CPSF6: variants seen among roughly 807,000 people sequenced by gnomAD.
CPSF6 encodes the protein cleavage and polyadenylation specific factor 6, also known as cleavage and polyadenylation specificity factor subunit 6.
A neutral mutation model predicts 56.7 loss-of-function variants in CPSF6; 10 were observed. The ratio of observed to expected loss-of-function variants is 0.18; its 90% CI spans 0.11 to 0.30. CPSF6 has a LOEUF of 0.30. Among genes scored for constraint, CPSF6 ranks in the 10% least tolerant of loss-of-function variants. CPSF6 has a pLI of 1.00. For synonymous variants in CPSF6, 248 were observed against 244.8 expected (o/e 1.01, Z -0.12); for missense variants, 419 against 722.9 (o/e 0.58, Z 4.82).
At chr12:69,256,412 G>T (rs1353855737) in intron 3 of CPSF6, among the ~76,000 whole-genome samples, 1 of 152,182 alleles carries the variant, frequency 6.6e-6, no homozygotes, top group East Asian at 1.9e-4. Flanking sequence ...GTATAGTTAA[G>T]AAATATTTTT....
chr12:69,243,224 CA>C (rs1256590983), intron 1 of CPSF6, among the ~76,000 whole-genome samples: 1 of 152,174 alleles, frequency 6.6e-6, no homozygotes, highest in Non-Finnish European at 1.5e-5. Flanking sequence ...TACCTACATA[CA>C]GTAGTGCACA....
chr12:69,249,830 C>G (rs536121112), intron 1 of CPSF6, among the ~76,000 whole-genome samples: 1 of 152,176 alleles, frequency 6.6e-6, no homozygotes, highest in South Asian at 2.1e-4. Context: ...GCTCCTGTTT[C>G]TGTTTCATTT....
intron 1 of CPSF6, among the ~76,000 whole-genome samples, chr12:69,240,994 T>A (rs1871589446): frequency 6.6e-6 from 1 of 152,256 alleles, no homozygotes; most frequent in Non-Finnish European, 1.5e-5. Flanking sequence ...TATTACTGGC[T>A]AATGTGGTTT....
At chr12:69,263,054 TG>T (rs1872815602) in intron 9 of CPSF6, among the ~76,000 whole-genome samples, 2 of 150,752 alleles carry the variant, frequency 1.3e-5, no homozygotes, top group Non-Finnish European at 3.0e-5. Context: ...TACAGGAGGG[TG>T]TTTTCTCAAC....
Position 69,258,827 on chromosome 12 carries a change from C to T in CPSF6, c.932C>T (p.Pro311Leu). ...PGYGPPPGPP[P>L]PQQGPPPPPG... ...TACGGCCCCCCTCCTGGCCCACCAC[C>T]TCCACAACAGGGACCACCTCCACCT... Residue 311 changes from proline to leucine, a missense_variant, in exon 6 of 10, where the codon CCT (proline) becomes CTT (leucine). Pro to Leu is a moderately conservative substitution (Grantham distance 98). This residue lies in a region of CPSF6 where 211 missense variants were observed against 296.0 expected (regional missense o/e 0.71). Transcript: ENST00000435070. This position sits in a 1 kb window ranked among gnomAD's most constrained non-coding sequence, Gnocchi z 4.2. The T allele has an allele frequency of 1.2e-6, 2 of 1,614,074 alleles. No individual in the cohort carries two copies. The highest frequency in any genetic ancestry group is 2.2e-5 in the East Asian group (1 of 44,868).
In CPSF6 at chr12:69,273,558, C is replaced by T. The variant is rs1873353921; in HGVS notation, c.*4050C>T. 1 of 152,406 alleles carries T rather than the reference C, an allele frequency of 6.6e-6. No individual in the cohort carries two copies. The highest frequency in any genetic ancestry group is 2.4e-5 in the African/African-American group (1 of 41,416). 9.4% of individuals were successfully genotyped at this position (152,406 alleles called of 1,614,324 possible). On this transcript the variant is annotated 3_prime_UTR_variant, in exon 10 of 10. Coordinates refer to ENST00000435070, the MANE Select transcript of CPSF6 (RefSeq NM_007007.3). ...GGGTGTAAATGTTTTACATTAATTT[C>T]ATAATTGGACAGACCCTGCATTTAG...
At chr12:69,259,575 T>C (rs765413240) in intron 7 of CPSF6, 32 bp downstream of exon 7, 5 of 1,567,550 alleles carry the variant, frequency 3.2e-6, no homozygotes, top group South Asian at 1.2e-5. Flanking sequence ...ATATTTCTTA[T>C]TTATGTTATT....
At chr12:69,256,293 A>G (rs1872505291) in intron 3 of CPSF6, among the ~76,000 whole-genome samples, 1 of 152,184 alleles carries the variant, frequency 6.6e-6, no homozygotes, top group Non-Finnish European at 1.5e-5. Context: ...TTTAAAATTG[A>G]TTATGGTGGT....
intron 1 of CPSF6, among the ~76,000 whole-genome samples, chr12:69,249,997 C>T (rs576511047): frequency 6.6e-6 from 1 of 152,290 alleles, no homozygotes; most frequent in East Asian, 1.9e-4. Context: ...ACTAAGAATT[C>T]AGGTAAGCAT....
rs1872593921 is a variant in CPSF6, at chr12:69,258,308, G to C, written c.695-282G>C. ...AAGGTGGGTGATTTCACTGTAAGAA[G>C]TGTGTGTACACGGAAAGATGGAAAA... On this transcript the variant is annotated intron_variant, in intron 5 of 9. Coordinates refer to ENST00000435070, the MANE Select transcript of CPSF6 (RefSeq NM_007007.3). The surrounding 1 kb of genome is among the most constrained non-coding windows in gnomAD (Gnocchi z 4.2). 5.0e-6 allele frequency: 3 copies of C among 599,742 alleles called. No individual in the cohort carries two copies. The highest frequency in any genetic ancestry group is 3.2e-5 in the Admixed American group (1 of 31,736). 37.2% of individuals were successfully genotyped at this position (599,742 alleles called of 1,614,324 possible).
intron 3 of CPSF6, among the ~76,000 whole-genome samples, chr12:69,255,457 A>G (rs1187352186): frequency 1.3e-5 from 2 of 152,232 alleles, no homozygotes; most frequent in Admixed American, 6.5e-5. Context: ...AGGAATTACC[A>G]GATTATTTGC....
chr12:69,257,020 C>G (rs1486159984), intron 4 of CPSF6, among the ~76,000 whole-genome samples, 178 bp downstream of exon 4: 1 of 152,204 alleles, frequency 6.6e-6, no homozygotes, highest in Non-Finnish European at 1.5e-5. Context: ...TACGAGAAAC[C>G]TACTCCTGTT....
At chr12:69,241,335 T>C (rs1871606258) in intron 1 of CPSF6, among the ~76,000 whole-genome samples, 1 of 152,318 alleles carries the variant, frequency 6.6e-6, no homozygotes, top group South Asian at 2.1e-4. Flanking sequence ...TTCTAACGCT[T>C]ATAAGACCTC....
chr12:69,273,886 C>G lies in CPSF6; in HGVS notation c.*4378C>G, dbSNP rs1024290824. The G allele has an allele frequency of 1.3e-5, 2 of 151,822 alleles. No individual in the cohort carries two copies. The highest frequency in any genetic ancestry group is 4.8e-5 in the African/African-American group (2 of 41,388). The allele number at this position is 151,822 out of a possible 1,614,324, so 9.4% of individuals were successfully genotyped here. On this transcript the variant is annotated 3_prime_UTR_variant, in exon 10 of 10. Coordinates refer to ENST00000435070, the MANE Select transcript of CPSF6 (RefSeq NM_007007.3). Reference sequence around the variant, plus strand: ...CAAAGTAGTTTACAGCCCTGTACAGCCTTACAAAGTTGTTTTACAATTTTT... The same window carrying G: ...CAAAGTAGTTTACAGCCCTGTACAGGCTTACAAAGTTGTTTTACAATTTTT...
At chr12:69,260,253 A>G in intron 8 of CPSF6, 56 bp downstream of exon 8, 1 of 1,330,450 alleles carries the variant, frequency 7.5e-7, no homozygotes, top group Non-Finnish European at 1.0e-6. Flanking sequence ...ACAAATGGAA[A>G]AAATACTGTG....
rs772296444 is a variant in CPSF6 at position 69,262,581 on chromosome 12, C to T, written c.*3+19C>T. The stretch of plus-strand genomic sequence containing the variant: ...TTAGAAGGTGGGTATTCCTTGTTCC[C>T]TGTTAAATGTGTGTGTATTCTTAAC... On this transcript the variant is annotated intron_variant, in intron 9 of 9. Transcript: ENST00000435070. 6 of 1,592,792 alleles carry T rather than the reference C, an allele frequency of 3.8e-6. No homozygotes were observed. The highest frequency in any genetic ancestry group is 2.7e-5 in the African/African-American group (2 of 74,176).
rs748698893 is a variant in CPSF6 at position 69,273,206 on chromosome 12, T to C, written c.*3698T>C. 1 of 516,768 alleles carries C rather than the reference T, an allele frequency of 1.9e-6. No homozygotes were observed. Among genetic ancestry groups the C allele is most frequent in the Non-Finnish European group, 4.0e-6 (1 of 253,124 alleles). The allele number at this position is 516,768 out of a possible 1,614,324, so 32.0% of individuals were successfully genotyped here. On this transcript the variant is annotated 3_prime_UTR_variant, in exon 10 of 10. Coordinates refer to ENST00000435070, the MANE Select transcript of CPSF6 (RefSeq NM_007007.3). ...TGGCATTAGAAAGAAGCAATATGAA[T>C]TTTTGTGAATATTCTAAATATTCAG...
intron 1 of CPSF6, among the ~76,000 whole-genome samples, chr12:69,244,949 CATA>C (rs1871815333): frequency 6.6e-6 from 1 of 151,966 alleles, no homozygotes; most frequent in South Asian, 2.1e-4. Context: ...TACACTCTAA[CATA>C]ATGATTAAAA....
At chr12:69,248,402 A>G (rs1872026178) in intron 1 of CPSF6, among the ~76,000 whole-genome samples, 1 of 152,230 alleles carries the variant, frequency 6.6e-6, no homozygotes, top group Non-Finnish European at 1.5e-5. Flanking sequence ...TTTGAATAAT[A>G]TTAGTAATTC....
Sources: gnomAD v4.1 joint callset for allele counts (sites outside exome capture counted in the v4.1 genomes callset) on GRCh38, gnomAD v4.1.1 for gene constraint, gnomAD v4.1.1 regional missense constraint, Gnocchi (gnomAD v3.1) non-coding constraint, MANE v1.5 for transcripts, NCBI Gene and HGNC (gene_info 2026-07-23, HGNC 2026-07-21) for gene names.